PARD3B: variants seen among roughly 807,000 people sequenced by gnomAD.
PARD3B encodes the protein par-3 family cell polarity regulator beta.
In PARD3B, 103 loss-of-function variants were observed where a neutral mutation model predicts 130.2. The ratio of observed to expected loss-of-function variants is 0.79; its 90% CI spans 0.67 to 0.93. The LOEUF (loss-of-function observed/expected upper bound fraction) is 0.93, where lower values mean the gene tolerates loss of function less well. PARD3B is among the 40% of genes least tolerant of loss of function. The pLI is 0.00. For missense variants in PARD3B, 1,609 were observed against 1,499.2 expected (o/e 1.07, Z -1.21); for synonymous variants, 583 against 553.2 (o/e 1.05, Z -0.76).
At position 205,548,050 on chromosome 2, in the gene PARD3B, A is replaced by G. The variant is rs111550356; in HGVS notation, c.3181-5274A>G. On this transcript the variant is annotated intron_variant, in intron 21 of 22. Coordinates refer to ENST00000406610, the MANE Select transcript of PARD3B (RefSeq NM_001302769.2). ...TGGAATTCTTTTCTTGGTTTCTACA[A>G]TAAAACATTTTCCTGGTTTTCTTCT... Among the ~76,000 whole-genome samples, 161 of 152,282 alleles carry G rather than the reference A, an allele frequency of 1.1e-3. 1 individual carries two copies. The highest frequency in any genetic ancestry group is 3.8e-3 in the African/African-American group (156 of 41,574).
chr2:205,517,802 T>TAAAG (rs374321070), intron 21 of PARD3B, among the ~76,000 whole-genome samples: 2 of 152,176 alleles, frequency 1.3e-5, no homozygotes, highest in African/African-American at 4.8e-5. Context: ...TCATTAGTTT[T>TAAAG]AAAGAACTTT....
At chr2:205,378,430 T>C (rs1323654391) in intron 18 of PARD3B, among the ~76,000 whole-genome samples, 4 of 152,044 alleles carry the variant, frequency 2.6e-5, no homozygotes, top group African/African-American at 9.7e-5. Context: ...GAAGAAAGTT[T>C]CAAGTAAGTG....
intron 18 of PARD3B, among the ~76,000 whole-genome samples, chr2:205,312,587 G>C (rs1043447734): frequency 6.6e-6 from 1 of 152,192 alleles, no homozygotes; most frequent in Non-Finnish European, 1.5e-5. Context: ...CAGAGGAAAA[G>C]AAATCGATGC....
intron 2 of PARD3B, among the ~76,000 whole-genome samples, chr2:204,706,952 A>G (rs2038193454): frequency 6.6e-6 from 1 of 152,186 alleles, no homozygotes; most frequent in African/African-American, 2.4e-5. Context: ...ACGCTTGGAT[A>G]TTGGAATAAT....
At chr2:204,601,112 T>G (rs1312545305) in intron 1 of PARD3B, among the ~76,000 whole-genome samples, 1 of 151,970 alleles carries the variant, frequency 6.6e-6, no homozygotes, top group African/African-American at 2.4e-5. Flanking sequence ...GCATGGAATC[T>G]TCTCATGCAT....
intron 1 of PARD3B, chr2:204,558,183 A>G (rs1012073127): frequency 6.6e-6 from 1 of 152,208 alleles, no homozygotes; most frequent in Non-Finnish European, 1.5e-5. Flanking sequence ...AGTGCCAAGT[A>G]TCTTCCAGAT....
intron 3 of PARD3B, among the ~76,000 whole-genome samples, chr2:204,986,167 TG>T (rs750674927): frequency 5.3e-5 from 8 of 150,708 alleles, no homozygotes; most frequent in Non-Finnish European, 1.2e-4. Flanking sequence ...TTCTTGGGTA[TG>T]GCAGATCTCT....
intron 1 of PARD3B, among the ~76,000 whole-genome samples, chr2:204,657,981 G>A (rs2035692489): frequency 6.6e-6 from 1 of 152,132 alleles, no homozygotes; most frequent in Non-Finnish European, 1.5e-5. Context: ...ACTCTTAGCT[G>A]CAAAGCCCTG....
At chr2:205,117,914 T>TACACACACACACACACACACAC (rs1487029585) in intron 6 of PARD3B, among the ~76,000 whole-genome samples, 2 of 11,072 alleles carry the variant, frequency 1.8e-4, no homozygotes, top group African/African-American at 2.7e-4. Context: ...TATGTATGTG[T>TACACACACACACACACACACAC]GTACACACAC....
At chr2:204,865,046 A>G (rs1040370903) in intron 2 of PARD3B, among the ~76,000 whole-genome samples, 11 of 152,210 alleles carry the variant, frequency 7.2e-5, no homozygotes, top group African/African-American at 2.4e-4. Context: ...ACTAATTATC[A>G]GGGAAATGCA....
chr2:204,618,523 A>T (rs1274449726), intron 1 of PARD3B, among the ~76,000 whole-genome samples: 1 of 152,218 alleles, frequency 6.6e-6, no homozygotes. Context: ...TGCAACAGTG[A>T]CAGTGTCACC....
At chr2:205,552,836 A>AAAT (rs1192711015) in intron 21 of PARD3B, among the ~76,000 whole-genome samples, 1 of 152,200 alleles carries the variant, frequency 6.6e-6, no homozygotes, top group Non-Finnish European at 1.5e-5. Context: ...TTAAAAATCT[A>AAAT]AATAAACTAT....
intron 15 of PARD3B, among the ~76,000 whole-genome samples, chr2:205,198,974 C>G (rs1001197592): frequency 6.6e-6 from 1 of 151,852 alleles, no homozygotes; most frequent in Non-Finnish European, 1.5e-5. Context: ...ACAACTTTGA[C>G]TTAAAGAAAA....
chr2:204,900,959 T>A (rs2046831605), intron 2 of PARD3B, among the ~76,000 whole-genome samples: 1 of 152,138 alleles, frequency 6.6e-6, no homozygotes. Context: ...TCCCTTATTT[T>A]CTCCCAAACA....
intron 18 of PARD3B, among the ~76,000 whole-genome samples, chr2:205,390,116 G>T (rs1574894950): frequency 1.3e-5 from 2 of 150,680 alleles, no homozygotes; most frequent in East Asian, 3.9e-4. Context: ...GCTCTACCAT[G>T]CATTAATTAT....
intron 2 of PARD3B, among the ~76,000 whole-genome samples, chr2:204,869,066 T>A (rs2045533836): frequency 6.6e-6 from 1 of 152,178 alleles, no homozygotes; most frequent in Non-Finnish European, 1.5e-5. Flanking sequence ...TTGAGGTTGA[T>A]GTATTTTTTC....
At chr2:204,604,294 C>G (rs2125108615) in intron 1 of PARD3B, among the ~76,000 whole-genome samples, 1 of 152,194 alleles carries the variant, frequency 6.6e-6, no homozygotes, top group East Asian at 1.9e-4. Flanking sequence ...TATTCATGTT[C>G]TGTACATTCC....
chr2:204,921,496 C>G (rs567511593), intron 2 of PARD3B, among the ~76,000 whole-genome samples: 2 of 142,246 alleles, frequency 1.4e-5, no homozygotes, highest in East Asian at 3.9e-4. Flanking sequence ...TTTTTGAAGT[C>G]TAGTTAAGAT....
chr2:205,532,129 A>G (rs372333309), intron 21 of PARD3B, among the ~76,000 whole-genome samples: 2 of 152,338 alleles, frequency 1.3e-5, no homozygotes, highest in East Asian at 1.9e-4. Context: ...GCATTCGAAC[A>G]TGGATAATTT....
Sources: allele counts gnomAD v4.1 joint callset (sites outside exome capture counted in the v4.1 genomes callset), GRCh38; gene constraint gnomAD v4.1.1; transcripts MANE v1.5; gene names NCBI Gene and HGNC (gene_info 2026-07-23, HGNC 2026-07-21).